The following KHDRBS3 variants were observed in gnomAD, a reference collection of about 807,000 sequenced individuals.
KHDRBS3 encodes the protein KH RNA binding domain containing, signal transduction associated 3.
In KHDRBS3, 23 loss-of-function variants were observed where a neutral mutation model predicts 45.6. The ratio of observed to expected loss-of-function variants is 0.50; its 90% CI spans 0.36 to 0.72. The LOEUF is 0.72. Among genes scored for constraint, KHDRBS3 ranks in the 30% least tolerant of loss-of-function variants. KHDRBS3 has a pLI of 0.00. For missense variants in KHDRBS3, 352 were observed against 424.8 expected (o/e 0.83, Z 1.51); for synonymous variants, 162 against 156.5 (o/e 1.04, Z -0.26).
chr8:135,515,671 C>T (rs1423787535), intron 1 of KHDRBS3, among the ~76,000 whole-genome samples: 1 of 152,148 alleles, frequency 6.6e-6, no homozygotes, highest in Non-Finnish European at 1.5e-5. Flanking sequence ...TTGGCCCTTG[C>T]TGCTGTGTCA....
intron 7 of KHDRBS3, chr8:135,625,456 G>T: frequency 1.3e-6 from 1 of 773,886 alleles, no homozygotes; most frequent in South Asian, 1.4e-5. Context: ...ACCACACCAG[G>T]GCAGCCTTAG....
intron 2 of KHDRBS3, among the ~76,000 whole-genome samples, chr8:135,532,555 G>C (rs1825532169): frequency 6.6e-6 from 1 of 152,116 alleles, no homozygotes; most frequent in African/African-American, 2.4e-5. Flanking sequence ...TCTGTTATGT[G>C]TGTGTACACA....
At chr8:135,528,395 A>T (rs555219494) in intron 2 of KHDRBS3, among the ~76,000 whole-genome samples, 41 of 152,186 alleles carry the variant, frequency 2.7e-4, no homozygotes, top group Non-Finnish European at 4.7e-4. Flanking sequence ...CATGGAAATC[A>T]TCGTGGATTT....
chr8:135,637,631 G>A (rs900638996), intron 7 of KHDRBS3, among the ~76,000 whole-genome samples: 12 of 152,034 alleles, frequency 7.9e-5, no homozygotes, highest in African/African-American at 2.9e-4. Context: ...CACAGACACG[G>A]CAACAAAACA....
At chr8:135,640,548 C>T (rs1563826356) in intron 7 of KHDRBS3, among the ~76,000 whole-genome samples, 1 of 152,142 alleles carries the variant, frequency 6.6e-6, no homozygotes. Context: ...CATGCTGTCT[C>T]CTGATGTTAG....
intron 1 of KHDRBS3, among the ~76,000 whole-genome samples, chr8:135,471,569 T>C (rs1822015204): frequency 6.6e-6 from 1 of 152,186 alleles, no homozygotes. Context: ...TAAAGACAAG[T>C]GCACACGGCA....
At chr8:135,485,821 G>T (rs1330944309) in intron 1 of KHDRBS3, among the ~76,000 whole-genome samples, 3 of 124,708 alleles carry the variant, frequency 2.4e-5, no homozygotes, top group Non-Finnish European at 4.9e-5. Context: ...GAGGTATGCA[G>T]GATTGATTGG....
At chr8:135,624,009 G>A (rs1047832062) in intron 7 of KHDRBS3, among the ~76,000 whole-genome samples, 1 of 152,090 alleles carries the variant, frequency 6.6e-6, no homozygotes, top group African/African-American at 2.4e-5. Flanking sequence ...TTTTAGACAC[G>A]GTGCTATATT....
chr8:135,555,892 C>G (rs148023265), intron 4 of KHDRBS3, among the ~76,000 whole-genome samples: 23 of 152,274 alleles, frequency 1.5e-4, no homozygotes, highest in Middle Eastern at 3.4e-3. Context: ...CCTAGCCCCC[C>G]ATCCCTCGAC....
intron 1 of KHDRBS3, among the ~76,000 whole-genome samples, chr8:135,499,660 A>AT (rs776035800): frequency 5.9e-5 from 9 of 152,090 alleles, no homozygotes; most frequent in Admixed American, 2.0e-4. Context: ...CTTTCATTGC[A>AT]TTTTTTAAGT....
chr8:135,523,418 G>A, intron 2 of KHDRBS3, among the ~76,000 whole-genome samples: 1 of 151,560 alleles, frequency 6.6e-6, no homozygotes, highest in Admixed American at 6.6e-5. Context: ...CTATTTTCCA[G>A]TTTTTTTTCT....
In KHDRBS3 at chr8:135,645,081, G is replaced by A. The variant is rs150184893; in HGVS notation, c.913G>A (p.Gly305Arg). ...AQSGADYYDY[G>R]HGLSEETYDS... is the part of the protein sequence containing the mutation. ...CAGTGGTGCTGATTACTATGATTAC[G>A]GACATGGACTCAGTGAGGAGACTTA... is the stretch of plus-strand genomic sequence containing the variant. The change falls in exon 8 of 9, where the codon GGA becomes AGA. Residue 305 changes from glycine to arginine, a missense_variant. Coordinates refer to ENST00000355849, the MANE Select transcript of KHDRBS3 (RefSeq NM_006558.3). 5.3e-4 allele frequency: 862 copies of A among 1,613,308 alleles called. 1 individual carries two copies. Among genetic ancestry groups the A allele is most frequent in the Non-Finnish European group, 6.5e-4 (763 of 1,179,862 alleles).
At chr8:135,614,168 A>G (rs948965649) in intron 7 of KHDRBS3, among the ~76,000 whole-genome samples, 3 of 151,932 alleles carry the variant, frequency 2.0e-5, no homozygotes, top group Non-Finnish European at 2.9e-5. Context: ...GAAGAGAAAT[A>G]TAAACTATTC....
chr8:135,646,874 G>T, intron 8 of KHDRBS3, 119 bp from the exon 9 acceptor site: 1 of 599,290 alleles, frequency 1.7e-6, no homozygotes, highest in East Asian at 2.9e-5. Flanking sequence ...CAGTACACCA[G>T]GGGTATATAT....
chr8:135,523,408 C>T (rs1159877015), intron 2 of KHDRBS3, among the ~76,000 whole-genome samples: 2 of 150,074 alleles, frequency 1.3e-5, no homozygotes, highest in Non-Finnish European at 3.0e-5. Flanking sequence ...TTTTAAATTT[C>T]TATTTTCCAG....
intron 2 of KHDRBS3, among the ~76,000 whole-genome samples, chr8:135,530,563 A>G (rs1394765316): frequency 2.0e-5 from 3 of 152,214 alleles, no homozygotes; most frequent in East Asian, 3.9e-4. Flanking sequence ...CACTGGGTGC[A>G]TCACCTGTGT....
At chr8:135,649,503 C>T (rs2131216342), downstream of KHDRBS3, among the ~76,000 whole-genome samples, 1 of 152,134 alleles carries the variant, frequency 6.6e-6, no homozygotes, top group Non-Finnish European at 1.5e-5. Context: ...CCAAAATTAG[C>T]CTGAAATAAT....
intron 7 of KHDRBS3, among the ~76,000 whole-genome samples, chr8:135,636,748 G>A (rs4909498): frequency 8.3e-4 from 127 of 152,126 alleles, no homozygotes; most frequent in African/African-American, 2.8e-3. Context: ...CATTGCCTGC[G>A]GTCACATGGA....
At chr8:135,637,079 C>T (rs1445607300) in intron 7 of KHDRBS3, among the ~76,000 whole-genome samples, 3 of 152,162 alleles carry the variant, frequency 2.0e-5, no homozygotes, top group Non-Finnish European at 4.4e-5. Context: ...TTCCACCCAA[C>T]TTGCATAACC....
Sources: gnomAD v4.1 joint callset for allele counts (sites outside exome capture counted in the v4.1 genomes callset) on GRCh38, gnomAD v4.1.1 for gene constraint, MANE v1.5 for transcripts, NCBI Gene and HGNC (gene_info 2026-07-23, HGNC 2026-07-21) for gene names.